ASIC2: variants seen among roughly 807,000 people sequenced by gnomAD.
ASIC2 encodes the protein acid sensing ion channel subunit 2.
In ASIC2, 25 loss-of-function variants were observed where a neutral mutation model predicts 57.3. That is an observed-to-expected ratio of 0.44 (90% CI 0.32 to 0.61). The LOEUF is 0.61. Among genes scored for constraint, ASIC2 ranks in the 20% least tolerant of loss-of-function variants. ASIC2 has a pLI of 0.06. For synonymous variants in ASIC2, 319 were observed against 307.5 expected (o/e 1.04, Z -0.39); for missense variants, 641 against 738.1 (o/e 0.87, Z 1.52).
intron 1 of ASIC2, among the ~76,000 whole-genome samples, chr17:33,319,002 C>T (rs1288283015): frequency 6.6e-5 from 10 of 152,158 alleles, no homozygotes; most frequent in South Asian, 2.1e-4. Context: ...ACTATGCTCA[C>T]GCCTGTAATC....
At chr17:33,014,095 T>C (rs759359274) in intron 9 of ASIC2, 29 bp from the exon 10 acceptor site, 9 of 1,538,758 alleles carry the variant, frequency 5.8e-6, no homozygotes, top group Non-Finnish European at 8.0e-6. Flanking sequence ...TGGGAGTTTA[T>C]TATTCGCTCA....
At chr17:33,177,508 A>G (rs1009030646) in intron 1 of ASIC2, among the ~76,000 whole-genome samples, 9 of 152,104 alleles carry the variant, frequency 5.9e-5, no homozygotes, top group Non-Finnish European at 1.0e-4. Flanking sequence ...AAGCTGGGAG[A>G]GGAAAGGGTG....
At chr17:34,138,178 T>C (rs1426093175) in intron 1 of ASIC2, among the ~76,000 whole-genome samples, 1 of 152,068 alleles carries the variant, frequency 6.6e-6, no homozygotes, top group African/African-American at 2.4e-5. Context: ...GTCAATTGCC[T>C]TCATCTTTTG....
chr17:33,576,480 AT>A (rs1916626032), intron 1 of ASIC2, among the ~76,000 whole-genome samples: 1 of 152,126 alleles, frequency 6.6e-6, no homozygotes, highest in Admixed American at 6.5e-5. Flanking sequence ...TTCATTCTTA[AT>A]TTATGGCAGA....
At chr17:33,362,854 C>T (rs1009070131) in intron 1 of ASIC2, among the ~76,000 whole-genome samples, 1 of 152,180 alleles carries the variant, frequency 6.6e-6, no homozygotes, top group African/African-American at 2.4e-5. Context: ...TGGAGGGAGG[C>T]AGACATGGAG....
At chr17:33,696,216 T>A (rs1331002242) in intron 1 of ASIC2, among the ~76,000 whole-genome samples, 2 of 139,374 alleles carry the variant, frequency 1.4e-5, no homozygotes, top group African/African-American at 5.4e-5. Context: ...GCATCGTTTT[T>A]AAACACAACT....
intron 1 of ASIC2, among the ~76,000 whole-genome samples, chr17:33,519,405 A>C (rs886236022): frequency 1.3e-5 from 2 of 152,128 alleles, no homozygotes; most frequent in Non-Finnish European, 2.9e-5. Flanking sequence ...CTTGTGGGGC[A>C]GCTTTTGAGC....
chr17:33,573,384 A>G (rs1916512947), intron 1 of ASIC2, among the ~76,000 whole-genome samples: 1 of 152,204 alleles, frequency 6.6e-6, no homozygotes, highest in Admixed American at 6.5e-5. Context: ...CATTATAAAT[A>G]CAACAGAAGG....
chr17:33,556,264 G>A (rs965640141), intron 1 of ASIC2, among the ~76,000 whole-genome samples: 12 of 152,314 alleles, frequency 7.9e-5, no homozygotes, highest in Non-Finnish European at 1.6e-4. Context: ...ATCTTAAAGA[G>A]CAAGTTACAC....
intron 1 of ASIC2, among the ~76,000 whole-genome samples, chr17:33,421,660 T>C (rs543830548): frequency 6.6e-6 from 1 of 152,330 alleles, no homozygotes; most frequent in East Asian, 1.9e-4. Context: ...AAGTGAGGTT[T>C]GTTTTTCAGT....
At chr17:34,114,425 G>A (rs1251546767) in intron 1 of ASIC2, among the ~76,000 whole-genome samples, 1 of 152,100 alleles carries the variant, frequency 6.6e-6, no homozygotes, top group African/African-American at 2.4e-5. Context: ...TTCTGCATGG[G>A]GCTAGCCCTT....
intron 3 of ASIC2, among the ~76,000 whole-genome samples, chr17:33,082,440 T>G (rs1313847048): frequency 1.3e-5 from 2 of 152,212 alleles, no homozygotes; most frequent in Non-Finnish European, 2.9e-5. Context: ...GGCTTACACC[T>G]ATAATCCTAG....
intron 1 of ASIC2, among the ~76,000 whole-genome samples, chr17:33,143,367 C>A (rs769924673): frequency 1.3e-5 from 2 of 152,096 alleles, no homozygotes; most frequent in Non-Finnish European, 2.9e-5. Context: ...ATTATTACAC[C>A]CTTTAAAGCA....
intron 1 of ASIC2, among the ~76,000 whole-genome samples, chr17:33,816,315 G>A (rs1032748993): frequency 6.6e-6 from 1 of 152,048 alleles, no homozygotes; most frequent in Non-Finnish European, 1.5e-5. Context: ...GGGAAAAAGG[G>A]GATGGATAAT....
chr17:33,525,475 C>T (rs763045523), intron 1 of ASIC2, among the ~76,000 whole-genome samples: 12 of 152,168 alleles, frequency 7.9e-5, no homozygotes, highest in South Asian at 2.1e-4. Context: ...AAACCCTCAC[C>T]GTCAAGGTCA....
chr17:33,061,372 G>C (rs2141939679), intron 3 of ASIC2, among the ~76,000 whole-genome samples: 1 of 152,300 alleles, frequency 6.6e-6, no homozygotes, highest in Non-Finnish European at 1.5e-5. Flanking sequence ...TTGGCATGAA[G>C]GGCTGTTGAA....
chr17:33,755,511 A>T (rs1910576841), intron 1 of ASIC2, among the ~76,000 whole-genome samples: 1 of 152,182 alleles, frequency 6.6e-6, no homozygotes, highest in South Asian at 2.1e-4. Context: ...TCATAGGCTT[A>T]TGCTAAGCAG....
At chr17:34,070,549 C>T (rs575621078) in intron 1 of ASIC2, 2 of 152,094 alleles carry the variant, frequency 1.3e-5, no homozygotes, top group South Asian at 2.1e-4. Flanking sequence ...AAGTCTCTAC[C>T]GAAAAAAAGC....
rs569193467 is a variant in ASIC2, at chr17:33,789,696, G to A, written c.555+366282C>T. ...TCCTTTGTGTGTGTGTGTATTGAGTGATTTGAGAAGTCTTGGCATCTGGCT... is the reference window on the plus strand; with the variant it reads ...TCCTTTGTGTGTGTGTGTATTGAGTAATTTGAGAAGTCTTGGCATCTGGCT... On this transcript the variant is annotated intron_variant, in intron 1 of 9. Transcript: ENST00000359872. Among the ~76,000 whole-genome samples the A allele has an allele frequency of 3.9e-5, 6 of 152,318 alleles. No individual in the cohort carries two copies. The East Asian group carries it at 1.2e-3, about 29-fold the overall frequency.
Sources: allele counts gnomAD v4.1 joint callset (sites outside exome capture counted in the v4.1 genomes callset), GRCh38; gene constraint gnomAD v4.1.1; transcripts MANE v1.5; gene names NCBI Gene and HGNC (gene_info 2026-07-23, HGNC 2026-07-21).